Variants in PNPT1 observed in about 807,000 individuals in gnomAD.
The protein encoded by PNPT1 is polyribonucleotide nucleotidyltransferase 1, mitochondrial.
PNPT1 carries 53 observed loss-of-function variants against 119.5 expected under a neutral mutation model. The ratio of observed to expected loss-of-function variants is 0.44; its 90% CI spans 0.36 to 0.56. PNPT1 has a LOEUF of 0.56. Among genes scored for constraint, PNPT1 ranks in the 20% least tolerant of loss-of-function variants. The probability of loss-of-function intolerance (pLI) is 0.00; values close to 1 mark genes in which losing one functional copy is unlikely to be tolerated. For missense variants in PNPT1, 948 were observed against 938.5 expected (o/e 1.01, Z -0.13); for synonymous variants, 357 against 322.1 (o/e 1.11, Z -1.16).
intron 18 of PNPT1, 138 bp downstream of exon 18, chr2:55,654,762 G>A: frequency 1.5e-6 from 1 of 665,938 alleles, no homozygotes; most frequent in Admixed American, 2.6e-5. Flanking sequence ...TTTTTGTAGA[G>A]ATGAGGTCTT....
At chr2:55,645,539 T>C in intron 21 of PNPT1, 107 bp from the exon 22 acceptor site, 4 of 676,118 alleles carry the variant, frequency 5.9e-6, no homozygotes, top group South Asian at 3.9e-5. Flanking sequence ...AGCTTAATAA[T>C]TGAAGCTTTC....
intron 10 of PNPT1, among the ~76,000 whole-genome samples, chr2:55,671,635 G>C (rs1038367599): frequency 1.3e-5 from 2 of 152,212 alleles, no homozygotes; most frequent in Non-Finnish European, 2.9e-5. Flanking sequence ...GAGGCCAGGA[G>C]TTTGAGACCA....
At chr2:55,685,716 TAC>T (rs1468901039) in intron 3 of PNPT1, among the ~76,000 whole-genome samples, 2 of 152,190 alleles carry the variant, frequency 1.3e-5, no homozygotes, top group African/African-American at 2.4e-5. Context: ...TTACTAAATA[TAC>T]ACAGTTGTCT....
rs776565031 is a variant in PNPT1, at chr2:55,671,384, A to G, written c.919-8T>C. ...AGCTTCATCTCTGGAAACCTAAAAG[A>G]AAGTTGAGGTTCAGTTATTACATAT... On this transcript the variant is annotated splice_polypyrimidine_tract_variant and splice_region_variant and intron_variant, in intron 10 of 27. Transcript: ENST00000447944. 3.3e-6 allele frequency: 5 copies of G among 1,518,948 alleles called. No individual in the cohort carries two copies. Among genetic ancestry groups the G allele is most frequent in the African/African-American group, 1.4e-5 (1 of 70,774 alleles). 94.1% of individuals were successfully genotyped at this position (1,518,948 alleles called of 1,614,324 possible). A position where few individuals can be genotyped will look rare whatever the true frequency, so the allele number is the denominator to read the frequency against.
intron 13 of PNPT1, among the ~76,000 whole-genome samples, chr2:55,664,659 A>T (rs1256997579): frequency 6.6e-6 from 1 of 152,208 alleles, no homozygotes; most frequent in Non-Finnish European, 1.5e-5. Context: ...ACAAATAATA[A>T]AATGACGGTA....
chr2:55,663,242 G>A (rs1009148673), intron 13 of PNPT1, among the ~76,000 whole-genome samples: 7 of 152,130 alleles, frequency 4.6e-5, no homozygotes, highest in Non-Finnish European at 1.0e-4. Context: ...AAGAATAAGT[G>A]GAAATTCTAG....
intron 23 of PNPT1, 124 bp from the exon 24 acceptor site, chr2:55,643,549 A>G (rs1695902328): frequency 1.3e-6 from 1 of 770,324 alleles, no homozygotes; most frequent in East Asian, 2.6e-5. Flanking sequence ...GTTCAAGGCC[A>G]GCCTGGGCAA....
At chr2:55,642,612 A>G (rs928366623) in intron 25 of PNPT1, among the ~76,000 whole-genome samples, 1 of 150,470 alleles carries the variant, frequency 6.6e-6, no homozygotes, top group Non-Finnish European at 1.5e-5. Context: ...TCCCAAAAAA[A>G]AAAAAAAAAA....
chr2:55,672,997 T>A lies in PNPT1; in HGVS notation c.762A>T (p.Gln254His). 1 of 1,613,498 alleles carries A rather than the reference T, an allele frequency of 6.2e-7. No homozygotes were observed. Among genetic ancestry groups the A allele is most frequent in the Non-Finnish European group, 8.5e-7 (1 of 1,179,890 alleles). The change falls in exon 9 of 28, where the codon CAA becomes CAT. Residue 254 changes from glutamine (Q) to histidine (H), a missense_variant. By Grantham distance (24) the Gln-to-His change is conservative. Coordinates refer to ENST00000447944, the MANE Select transcript of PNPT1 (RefSeq NM_033109.5). Reference protein sequence around the residue: ...AIKVGVKYTQQIIQGIQQLVK... With the variant: ...AIKVGVKYTQHIIQGIQQLVK... The stretch of plus-strand genomic sequence containing the variant: ...CCAACTGCTGAATGCCCTGAATTAT[T>A]TGTTGGGTATATTTCACTCCCACTT...
chr2:55,665,939 A>C (rs1696718397), intron 13 of PNPT1, among the ~76,000 whole-genome samples: 1 of 152,214 alleles, frequency 6.6e-6, no homozygotes, highest in Non-Finnish European at 1.5e-5. Context: ...TGTTAAATAC[A>C]AGAGTGGGTG....
chr2:55,690,002 T>G (rs1352800472), intron 1 of PNPT1, among the ~76,000 whole-genome samples: 1 of 152,126 alleles, frequency 6.6e-6, no homozygotes, highest in Non-Finnish European at 1.5e-5. Flanking sequence ...TTAAATTTTT[T>G]GTAGAGATGA....
At chr2:55,690,795 C>T (rs1330728680) in intron 1 of PNPT1, among the ~76,000 whole-genome samples, 1 of 152,042 alleles carries the variant, frequency 6.6e-6, no homozygotes, top group Non-Finnish European at 1.5e-5. Flanking sequence ...TAAAATGGGT[C>T]TCCTGTGACT....
chr2:55,667,070 G>A lies in PNPT1; in HGVS notation c.1097C>T (p.Ser366Leu). 3 of 1,612,250 alleles carry A rather than the reference G, an allele frequency of 1.9e-6. No individual in the cohort carries two copies. ...YKRCDGRDLT[S>L]LRNVSCEVDM... ...TACCTCACAACTTACATTCCTAAGT[G>A]AAGTCAAATCCCGACCATCGCACCT... Residue 366 changes from serine to leucine, a missense_variant, in exon 13 of 28, where the codon TCA becomes TTA. Physicochemically the swap from Ser to Leu is moderately radical, Grantham distance 145 (BLOSUM62 -2). Coordinates refer to ENST00000447944, the MANE Select transcript of PNPT1 (RefSeq NM_033109.5).
chr2:55,654,891 T>C lies in PNPT1; in HGVS notation c.1495+9A>G. ...CAATATCAGCAGTTTTGAGACATAA[T>C]TCTTTTACCTGAATCCATTAATGCT... On this transcript the variant is annotated intron_variant, in intron 18 of 27. Transcript: ENST00000447944. 3.7e-6 allele frequency: 6 copies of C among 1,612,394 alleles called. No individual in the cohort carries two copies. Among genetic ancestry groups the C allele is most frequent in the Non-Finnish European group, 4.2e-6 (5 of 1,178,834 alleles).
intron 8 of PNPT1, among the ~76,000 whole-genome samples, chr2:55,673,339 GA>G (rs901011808): frequency 7.3e-5 from 10 of 137,714 alleles, no homozygotes; most frequent in African/African-American, 8.1e-5. Context: ...AAATGAAACA[GA>G]AAAAAAAAAG....
chr2:55,662,154 G>A (rs1696598639), intron 13 of PNPT1, 128 bp from the exon 14 acceptor site: 3 of 671,198 alleles, frequency 4.5e-6, no homozygotes, highest in Non-Finnish European at 6.9e-6. Flanking sequence ...AGCTTGCCAT[G>A]CTACTAACTG....
At position 55,686,464 on chromosome 2, in the gene PNPT1, G is replaced by C. The variant is rs372649077; in HGVS notation, c.223-20C>G. The C allele has an allele frequency of 2.5e-6, 4 of 1,597,094 alleles. No individual in the cohort carries two copies. The highest frequency in any genetic ancestry group is 3.4e-6 in the Non-Finnish European group (4 of 1,166,460). ...ACCTGACTTAAACATAAAGAACAAC[G>C]CTGGTAAGTTCCTTTGAAATCAGAT... On this transcript the variant is annotated intron_variant, in intron 2 of 27. Coordinates refer to ENST00000447944, the MANE Select transcript of PNPT1 (RefSeq NM_033109.5).
chr2:55,670,146 T>G (rs1176484757), intron 11 of PNPT1, among the ~76,000 whole-genome samples: 1 of 152,082 alleles, frequency 6.6e-6, no homozygotes, highest in Non-Finnish European at 1.5e-5. Context: ...TTCATTTATA[T>G]TCAGTTTGTG....
intron 1 of PNPT1, 74 bp from the exon 2 acceptor site, chr2:55,687,779 A>C: frequency 8.3e-7 from 1 of 1,200,562 alleles, no homozygotes; most frequent in South Asian, 1.5e-5. Context: ...TAAAATAATA[A>C]AAGATTCTAA....
Sources: gnomAD v4.1 joint callset for allele counts (sites outside exome capture counted in the v4.1 genomes callset) on GRCh38, gnomAD v4.1.1 for gene constraint, MANE v1.5 for transcripts, NCBI Gene and HGNC (gene_info 2026-07-23, HGNC 2026-07-21) for gene names.